The following TFEC variants were observed in gnomAD, a reference collection of about 807,000 sequenced individuals.
The protein encoded by TFEC is class E basic helix-loop-helix protein 34.
In TFEC, 31 loss-of-function variants were observed where a neutral mutation model predicts 41.6. The observed-to-expected ratio is 0.74, with a 90% CI of 0.56 to 1.01. TFEC has a LOEUF of 1.01. Ranked by LOEUF, TFEC falls within the 50% of genes least tolerant of loss-of-function variation. TFEC has a pLI of 0.00. For missense variants in TFEC, 402 were observed against 404.1 expected, an observed-to-expected ratio of 0.99 and a Z score of 0.04; for synonymous variants, 143 against 140.6, an observed-to-expected ratio of 1.02 and a Z score of -0.12.
At chr7:116,108,448 A>G (rs528476980) in intron 3 of TFEC, among the ~76,000 whole-genome samples, 1 of 152,104 alleles carries the variant, frequency 6.6e-6, no homozygotes. Flanking sequence ...CTTTCATCGA[A>G]TTTATTTATT....
Position 116,005,063 on chromosome 7 carries a change from G to T in TFEC, c.-72-20550C>A, listed in dbSNP as rs145296475. Among the ~76,000 whole-genome samples the T allele has an allele frequency of 9.6e-3, 1,468 of 152,274 alleles. 23 individuals carry two copies. The highest frequency in any genetic ancestry group is 0.033 in the African/African-American group (1,383 of 41,548). ...GCCTTTCACCTTCCACTATGATTGT[G>T]AGGCCTCCCCAGCCATGTGAAACTG... On this transcript the variant is annotated intron_variant, in intron 1 of 7. Coordinates refer to ENST00000265440, the MANE Select transcript of TFEC (RefSeq NM_012252.4).
chr7:116,061,287 G>A (rs961315042), intron 3 of TFEC, among the ~76,000 whole-genome samples: 1 of 152,122 alleles, frequency 6.6e-6, no homozygotes, highest in Non-Finnish European at 1.5e-5. Flanking sequence ...GAACAGAATA[G>A]GGAGTCCAGA....
At chr7:116,025,552 C>T (rs1178928019) in intron 1 of TFEC, among the ~76,000 whole-genome samples, 1 of 152,082 alleles carries the variant, frequency 6.6e-6, no homozygotes, top group African/African-American at 2.4e-5. Context: ...TTTCACTCTC[C>T]ACACTAGATA....
At chr7:115,997,323 A>G (rs545819722) in intron 1 of TFEC, among the ~76,000 whole-genome samples, 17 of 152,194 alleles carry the variant, frequency 1.1e-4, no homozygotes, top group African/African-American at 4.1e-4. Context: ...TCTGGATCTT[A>G]TCTAAGACCG....
chr7:116,102,792 G>A (rs1340311248), intron 3 of TFEC, among the ~76,000 whole-genome samples: 1 of 152,140 alleles, frequency 6.6e-6, no homozygotes, highest in Non-Finnish European at 1.5e-5. Context: ...AATTTGAAGT[G>A]GCATCTATGT....
intron 3 of TFEC, among the ~76,000 whole-genome samples, chr7:116,073,442 G>C (rs1393139693): frequency 6.6e-6 from 1 of 151,512 alleles, no homozygotes; most frequent in East Asian, 1.9e-4. Flanking sequence ...AGAAAACTTG[G>C]AGTATTTTTC....
intron 1 of TFEC, among the ~76,000 whole-genome samples, chr7:115,999,982 A>G (rs1476761946): frequency 2.0e-5 from 3 of 152,076 alleles, no homozygotes; most frequent in Admixed American, 2.0e-4. Context: ...GGTCAGTATT[A>G]CTCTGATCTC....
At chr7:115,986,161 A>G (rs1006740709) in intron 1 of TFEC, among the ~76,000 whole-genome samples, 4 of 152,184 alleles carry the variant, frequency 2.6e-5, no homozygotes, top group Admixed American at 6.5e-5. Flanking sequence ...AGGTTATAGG[A>G]GTTTACAATC....
intron 6 of TFEC, among the ~76,000 whole-genome samples, chr7:115,948,390 A>C (rs184839977): frequency 2.0e-5 from 3 of 152,258 alleles, no homozygotes; most frequent in African/African-American, 7.2e-5. Flanking sequence ...GCAGAGACAC[A>C]ACAAAAAAAG....
chr7:116,067,773 C>T (rs1381975153), intron 3 of TFEC, among the ~76,000 whole-genome samples: 2 of 151,950 alleles, frequency 1.3e-5, no homozygotes, highest in Admixed American at 6.6e-5. Context: ...TAAAGTCTTT[C>T]CCACACTTAC....
intron 6 of TFEC, among the ~76,000 whole-genome samples, chr7:115,947,542 T>C (rs1308968657): frequency 2.6e-5 from 4 of 151,600 alleles, no homozygotes; most frequent in Non-Finnish European, 5.9e-5. Flanking sequence ...ACCAACAGGG[T>C]AAAAGTGTTC....
chr7:116,129,772 C>A (rs939081107), intron 1 of TFEC, among the ~76,000 whole-genome samples: 16 of 151,546 alleles, frequency 1.1e-4, no homozygotes, highest in African/African-American at 3.9e-4. Context: ...GGTGAAACCT[C>A]ATCCCTACTA....
chr7:115,976,480 A>G (rs1352997060), intron 2 of TFEC, among the ~76,000 whole-genome samples: 1 of 152,142 alleles, frequency 6.6e-6, no homozygotes, highest in African/African-American at 2.4e-5. Flanking sequence ...ATTCAAATAG[A>G]CACATGTGGT....
At chr7:115,948,218 C>T (rs1396040161) in intron 6 of TFEC, among the ~76,000 whole-genome samples, 1 of 151,544 alleles carries the variant, frequency 6.6e-6, no homozygotes, top group Non-Finnish European at 1.5e-5. Flanking sequence ...AGCTTACCAA[C>T]CAAAAAGAGT....
intron 1 of TFEC, among the ~76,000 whole-genome samples, chr7:116,026,128 T>G (rs1795575281): frequency 6.6e-6 from 1 of 152,206 alleles, no homozygotes; most frequent in South Asian, 2.1e-4. Context: ...TAGCTGTTCA[T>G]GGTCTGCCCC....
chr7:116,020,385 A>C (rs576568804), intron 1 of TFEC, among the ~76,000 whole-genome samples: 2 of 152,298 alleles, frequency 1.3e-5, no homozygotes, highest in East Asian at 3.9e-4. Context: ...GAATGTGTAA[A>C]AGATTTGAAG....
chr7:115,962,877 A>G lies in TFEC; in HGVS notation c.268-6084T>C, dbSNP rs560946939. Among the ~76,000 whole-genome samples, 26 of 152,084 alleles carry G rather than the reference A, an allele frequency of 1.7e-4. No individual in the cohort carries two copies. The East Asian group carries it at 4.3e-3, about 25-fold the overall frequency. On this transcript the variant is annotated intron_variant, in intron 3 of 7. Transcript: ENST00000265440. ...CATTTATTTATTTTATTATACTTTA[A>G]GTTCTAGGGTACATATGCACAACGT...
At position 116,153,773 on chromosome 7, in the gene TFEC, TA is replaced by T. The variant is rs938179626; in HGVS notation, c.-69+6016del. Among the ~76,000 whole-genome samples the T allele has an allele frequency of 6.6e-5, 10 of 151,696 alleles. No individual in the cohort carries two copies. The East Asian group carries it at 1.4e-3, about 21-fold the overall frequency. On this transcript the variant is annotated intron_variant, in intron 1 of 8. Transcript: ENST00000484212. ...AGATTGGAATGAATTGGACACTGCATAAAAAAAAGATTAGGAAAGTTAAAGA... is the reference window on the plus strand; with the variant it reads ...AGATTGGAATGAATTGGACACTGCATAAAAAAAGATTAGGAAAGTTAAAGA...
At chr7:115,987,226 C>G (rs1438271802) in intron 1 of TFEC, among the ~76,000 whole-genome samples, 1 of 152,120 alleles carries the variant, frequency 6.6e-6, no homozygotes, top group Admixed American at 6.5e-5. Context: ...AGTATAAAAA[C>G]TTGGTGTAGC....
Sources: gnomAD v4.1 joint callset for allele counts (sites outside exome capture counted in the v4.1 genomes callset) on GRCh38, gnomAD v4.1.1 for gene constraint, MANE v1.5 for transcripts, NCBI Gene and HGNC (gene_info 2026-07-23, HGNC 2026-07-21) for gene names.